LRFN5: variants seen among roughly 807,000 people sequenced by gnomAD.
LRFN5 encodes the protein leucine rich repeat and fibronectin type III domain containing 5.
Under a neutral mutation model 45.6 loss-of-function variants are expected in LRFN5, and 24 were observed. The observed-to-expected ratio is 0.53, with a 90% CI of 0.38 to 0.74. The LOEUF is 0.74. LRFN5 is among the 30% of genes least tolerant of loss of function. The pLI, the probability that LRFN5 is intolerant of heterozygous loss-of-function variation, is 0.00. For synonymous variants in LRFN5, 340 were observed against 313.8 expected (o/e 1.08, Z -0.88); for missense variants, 776 against 861.5 (o/e 0.90, Z 1.24).
chr14:41,889,055 A>G (rs1890686976), intron 3 of LRFN5, among the ~76,000 whole-genome samples: 1 of 148,614 alleles, frequency 6.7e-6, no homozygotes, highest in Non-Finnish European at 1.5e-5. Flanking sequence ...GTGTGTATAT[A>G]TATACACACA....
chr14:41,750,632 G>C (rs1885092041), intron 1 of LRFN5, among the ~76,000 whole-genome samples: 1 of 151,988 alleles, frequency 6.6e-6, no homozygotes, highest in Non-Finnish European at 1.5e-5. Flanking sequence ...ATGTGTATTA[G>C]TCCATTTTCA....
At chr14:41,888,102 G>C in intron 3 of LRFN5, 92 bp downstream of exon 3, 1 of 944,522 alleles carries the variant, frequency 1.1e-6, no homozygotes, top group South Asian at 1.7e-5. Flanking sequence ...TGGCAGTGCT[G>C]TTCTGTGTTG....
At chr14:41,831,477 A>G (rs1171944317) in intron 2 of LRFN5, among the ~76,000 whole-genome samples, 1 of 152,200 alleles carries the variant, frequency 6.6e-6, no homozygotes, top group African/African-American at 2.4e-5. Context: ...TGCAATATGT[A>G]AAATATACAC....
chr14:41,738,712 A>T (rs1884555837), intron 1 of LRFN5, among the ~76,000 whole-genome samples: 1 of 152,198 alleles, frequency 6.6e-6, no homozygotes, highest in South Asian at 2.1e-4. Context: ...CAGATTGCTC[A>T]TCATTACATT....
intron 2 of LRFN5, among the ~76,000 whole-genome samples, chr14:41,831,025 T>G (rs1017165608): frequency 6.6e-5 from 10 of 152,222 alleles, no homozygotes; most frequent in Middle Eastern, 3.2e-3. Context: ...CTTACAACTT[T>G]ATACAGTCTA....
chr14:41,684,027 A>G (rs1882015205), intron 1 of LRFN5, among the ~76,000 whole-genome samples: 1 of 152,232 alleles, frequency 6.6e-6, no homozygotes, highest in Non-Finnish European at 1.5e-5. Context: ...TGGTGGAATC[A>G]TATTACTTGA....
At chr14:41,728,651 T>G (rs1185880007) in intron 1 of LRFN5, among the ~76,000 whole-genome samples, 1 of 152,184 alleles carries the variant, frequency 6.6e-6, no homozygotes, top group Non-Finnish European at 1.5e-5. Flanking sequence ...TAATTCTTTA[T>G]CATTAAGAGA....
At chr14:41,628,404 TA>T (rs1390312304) in intron 1 of LRFN5, among the ~76,000 whole-genome samples, 2 of 152,096 alleles carry the variant, frequency 1.3e-5, no homozygotes, top group Non-Finnish European at 2.9e-5. Flanking sequence ...TGGTAGGATC[TA>T]AAGACTGAGC....
At chr14:41,707,261 A>G (rs1171661287) in intron 1 of LRFN5, among the ~76,000 whole-genome samples, 1 of 152,198 alleles carries the variant, frequency 6.6e-6, no homozygotes, top group Non-Finnish European at 1.5e-5. Flanking sequence ...TCCTTTTCCT[A>G]CATTACTATT....
intron 1 of LRFN5, among the ~76,000 whole-genome samples, chr14:41,719,149 G>A (rs562510598): frequency 2.6e-5 from 4 of 152,138 alleles, no homozygotes; most frequent in African/African-American, 4.8e-5. Flanking sequence ...TGCAAAACAC[G>A]AAAAGAGACC....
intron 2 of LRFN5, among the ~76,000 whole-genome samples, chr14:41,834,663 TGTTTTGTTGTGTTTGTGAGACAG>T (rs1210920492): frequency 6.6e-6 from 1 of 152,170 alleles, no homozygotes; most frequent in Non-Finnish European, 1.5e-5. Context: ...TTGTTTGTTT[TGTTTTGTTGTGTTTGTGAGACAG>T]GTTCTCACTC....
At chr14:41,789,512 G>A (rs892760286) in intron 2 of LRFN5, among the ~76,000 whole-genome samples, 1 of 151,902 alleles carries the variant, frequency 6.6e-6, no homozygotes, top group Non-Finnish European at 1.5e-5. Context: ...TATTTGTAAT[G>A]CACACATGCC....
Position 41,711,205 on chromosome 14 carries a change from C to T in LRFN5, c.-196-55649C>T, listed in dbSNP as rs150575657. Among the ~76,000 whole-genome samples the T allele has an allele frequency of 5.2e-3, 788 of 152,196 alleles. 6 individuals carry two copies. Among genetic ancestry groups the T allele is most frequent in the African/African-American group, 0.018 (753 of 41,520 alleles). On this transcript the variant is annotated intron_variant, in intron 1 of 5. Coordinates refer to ENST00000298119, the MANE Select transcript of LRFN5 (RefSeq NM_152447.5). Reference sequence around the variant, plus strand: ...ATACATATGTACACCCACACACATACGCACACGCATGCACACATATTTTCA... The same window carrying T: ...ATACATATGTACACCCACACACATATGCACACGCATGCACACATATTTTCA...
intron 2 of LRFN5, among the ~76,000 whole-genome samples, chr14:41,850,782 C>T (rs1206214600): frequency 2.6e-5 from 4 of 151,372 alleles, no homozygotes; most frequent in Non-Finnish European, 4.4e-5. Context: ...TACAACAGTC[C>T]TCTGTCTTAC....
At chr14:41,661,406 A>C (rs1262859785) in intron 1 of LRFN5, among the ~76,000 whole-genome samples, 1 of 152,056 alleles carries the variant, frequency 6.6e-6, no homozygotes, top group Admixed American at 6.6e-5. Context: ...ATATAAATCT[A>C]TCTTGTTAAC....
intron 1 of LRFN5, among the ~76,000 whole-genome samples, chr14:41,644,993 T>A (rs540751410): frequency 1.3e-4 from 20 of 152,336 alleles, no homozygotes; most frequent in Admixed American, 1.3e-3. Flanking sequence ...GTAAGGTAAC[T>A]AAAGCATAAT....
intron 1 of LRFN5, among the ~76,000 whole-genome samples, chr14:41,728,893 A>G (rs984948760): frequency 2.0e-5 from 3 of 152,192 alleles, no homozygotes; most frequent in African/African-American, 7.2e-5. Context: ...GAGTCCTTTT[A>G]GAAATGAATT....
intron 1 of LRFN5, among the ~76,000 whole-genome samples, chr14:41,680,918 A>G (rs1019415453): frequency 4.6e-5 from 7 of 152,058 alleles, no homozygotes; most frequent in African/African-American, 1.7e-4. Flanking sequence ...TAACAAAGAG[A>G]TAGAAACAAT....
At chr14:41,704,428 C>G (rs1207818718) in intron 1 of LRFN5, among the ~76,000 whole-genome samples, 18 of 42,436 alleles carry the variant, frequency 4.2e-4, no homozygotes, top group East Asian at 7.4e-3. Flanking sequence ...CTCTCTCTCT[C>G]TCTCTCTCTC....
Sources: allele counts gnomAD v4.1 joint callset (sites outside exome capture counted in the v4.1 genomes callset), GRCh38; gene constraint gnomAD v4.1.1; transcripts MANE v1.5; gene names NCBI Gene and HGNC (gene_info 2026-07-23, HGNC 2026-07-21).